Variants in PCDHA4 observed in about 807,000 individuals in gnomAD.
PCDHA4 encodes protocadherin alpha 4.
A neutral mutation model predicts 61.4 loss-of-function variants in PCDHA4; 49 were observed. The ratio of observed to expected loss-of-function variants is 0.80; its 90% CI spans 0.63 to 1.01. The LOEUF is 1.01. Ranked by LOEUF, PCDHA4 falls within the 50% of genes least tolerant of loss-of-function variation. PCDHA4 has a pLI of 0.00. For synonymous variants in PCDHA4, 590 were observed against 550.3 expected, an observed-to-expected ratio of 1.07 and a Z score of -1.01; for missense variants, 1,254 against 1,235.8, an observed-to-expected ratio of 1.01 and a Z score of -0.22.
At chr5:140,856,980 A>G in intron 1 of PCDHA4, 1 of 1,594,908 alleles carries the variant, frequency 6.3e-7, no homozygotes, top group African/African-American at 1.3e-5. Context: ...GACTTTGAGG[A>G]CAGTAACACT....
At chr5:140,911,257 A>G (rs1423375928) in intron 1 of PCDHA4, among the ~76,000 whole-genome samples, 1 of 152,156 alleles carries the variant, frequency 6.6e-6, no homozygotes, top group African/African-American at 2.4e-5. Context: ...ATCAGAATTT[A>G]TAATCTCAGT....
chr5:140,944,099 C>G (rs1585153302), intron 1 of PCDHA4, among the ~76,000 whole-genome samples: 1 of 152,264 alleles, frequency 6.6e-6, no homozygotes, highest in East Asian at 1.9e-4. Context: ...AAGTTTATAT[C>G]TCATGGGAAA....
chr5:140,868,928 A>C, intron 1 of PCDHA4: 1 of 1,070,100 alleles, frequency 9.3e-7, no homozygotes, highest in Non-Finnish European at 1.3e-6. Flanking sequence ...AGTTCATTTA[A>C]AGGTTGGTCT....
intron 1 of PCDHA4, among the ~76,000 whole-genome samples, chr5:140,977,515 C>T (rs2096764078): frequency 6.6e-6 from 1 of 152,158 alleles, no homozygotes; most frequent in African/African-American, 2.4e-5. Context: ...ATTTTGTGAA[C>T]TTGAAAACAA....
chr5:140,809,111 G>A lies in PCDHA4; in HGVS notation c.1924G>A (p.Ala642Thr). The A allele has an allele frequency of 6.2e-7, 1 of 1,613,938 alleles. No homozygotes were observed. The highest frequency in any genetic ancestry group is 1.3e-5 in the African/African-American group (1 of 75,054). Residue 642 changes from alanine (A) to threonine (T), a missense_variant, in exon 1 of 4, where the codon GCT (alanine) becomes ACT (threonine). Ala to Thr is a moderately conservative substitution (Grantham distance 58, BLOSUM62 0). Coordinates refer to ENST00000530339, the MANE Select transcript of PCDHA4 (RefSeq NM_018907.4). ...AACGCGTGCCCTGGACGAAACGGACGCTCCGCGCCACCGCCTACTGGTACT... is the reference window on the plus strand; with the variant it reads ...AACGCGTGCCCTGGACGAAACGGACACTCCGCGCCACCGCCTACTGGTACT... ...STTRALDETD[A>T]PRHRLLVLVK...
intron 1 of PCDHA4, among the ~76,000 whole-genome samples, chr5:140,907,247 T>C (rs1328809549): frequency 1.3e-5 from 2 of 152,216 alleles, no homozygotes; most frequent in Non-Finnish European, 2.9e-5. Context: ...GACATTGTAA[T>C]TGTGACTTCA....
At chr5:140,928,729 G>A (rs2085477021) in intron 1 of PCDHA4, 1 of 1,613,996 alleles carries the variant, frequency 6.2e-7, no homozygotes, top group Non-Finnish European at 8.5e-7. Context: ...TAGAATTTCA[G>A]CCAATATAGG....
At chr5:140,989,315 C>T (rs1285439327) in intron 3 of PCDHA4, among the ~76,000 whole-genome samples, 1 of 152,130 alleles carries the variant, frequency 6.6e-6, no homozygotes, top group East Asian at 1.9e-4. Flanking sequence ...AGTAGGGTCT[C>T]ACCAACTTTG....
intron 1 of PCDHA4, chr5:140,866,668 AT>A (rs2049485821): frequency 1.3e-5 from 2 of 152,156 alleles, no homozygotes; most frequent in African/African-American, 2.4e-5. Flanking sequence ...TCAAGAAATA[AT>A]AGCACTAGGT....
At chr5:140,905,802 C>T (rs1043410620) in intron 1 of PCDHA4, among the ~76,000 whole-genome samples, 11 of 152,152 alleles carry the variant, frequency 7.2e-5, no homozygotes, top group African/African-American at 2.7e-4. Flanking sequence ...TCTAGAGGGA[C>T]AGAATTAATA....
chr5:140,807,838 A>G lies in PCDHA4; in HGVS notation c.651A>G (p.Gly217=). The G allele has an allele frequency of 1.2e-6, 2 of 1,614,184 alleles. No individual in the cohort carries two copies. Among genetic ancestry groups the G allele is most frequent in the East Asian group, 4.5e-5 (2 of 44,884 alleles). Residue 217 remains glycine, a synonymous_variant, in exon 1 of 4, where the codon GGA becomes GGG. Transcript: ENST00000530339. ...TTTTAGTGCTCACAGCCACTGATGG[A>G]GGCAAACCCGAGTTGACTGGCACCG... is the stretch of plus-strand genomic sequence containing the variant. ...EIFLVLTATD[G]GKPELTGTVQ...
intron 1 of PCDHA4, chr5:140,968,792 A>G (rs200477554): frequency 2.5e-6 from 4 of 1,614,186 alleles, no homozygotes; most frequent in Admixed American, 3.3e-5. Flanking sequence ...CTCTGTGGCC[A>G]TTACAGTAGC....
At chr5:140,950,429 T>G (rs1339598073) in intron 1 of PCDHA4, among the ~76,000 whole-genome samples, 1 of 151,896 alleles carries the variant, frequency 6.6e-6, no homozygotes, top group Admixed American at 6.6e-5. Context: ...TTCTTCCACT[T>G]AAAAAAAATG....
rs376976270 is a variant in PCDHA4 at position 140,809,227 on chromosome 5, A to G, written c.2040A>G (p.Ser680=). 4.6e-5 allele frequency: 74 copies of G among 1,613,866 alleles called. No individual in the cohort carries two copies. Among genetic ancestry groups the G allele is most frequent in the Non-Finnish European group, 5.6e-5 (66 of 1,179,902 alleles). ...GTGGACAGGCGCCAAAGGCCTCCTC[A>G]CGGGCGTTGGTGGGCGCTGTGGGTC... is the stretch of plus-strand genomic sequence containing the variant. ...VESGQAPKAS[S]RALVGAVGPD... Residue 680 remains serine (S), a synonymous_variant, in exon 1 of 4, where the codon TCA becomes TCG. Transcript: ENST00000530339.
intron 1 of PCDHA4, among the ~76,000 whole-genome samples, chr5:140,956,122 A>T (rs1371284760): frequency 6.6e-6 from 1 of 152,116 alleles, no homozygotes; most frequent in Non-Finnish European, 1.5e-5. Context: ...CTCTCTTCCT[A>T]TTTGAATACC....
At chr5:140,922,865 G>A (rs1554201014) in intron 1 of PCDHA4, among the ~76,000 whole-genome samples, 1 of 152,062 alleles carries the variant, frequency 6.6e-6, no homozygotes, top group Non-Finnish European at 1.5e-5. Flanking sequence ...ATAGACAAGG[G>A]GAAAAAATCC....
At chr5:140,843,774 A>T in intron 1 of PCDHA4, 1 of 1,457,980 alleles carries the variant, frequency 6.9e-7, no homozygotes. Context: ...TAGTTACTTT[A>T]AAAGTGTTTC....
rs1774863213 is a variant in PCDHA4 at position 140,837,000 on chromosome 5, G to A, written c.2385+27428G>A. The A allele has an allele frequency of 1.8e-5, 6 of 331,444 alleles. No individual in the cohort carries two copies. The East Asian group carries it at 3.3e-4, about 18-fold the overall frequency. 20.5% of individuals were successfully genotyped at this position (331,444 alleles called of 1,614,324 possible). A position where few individuals can be genotyped will look rare whatever the true frequency, so the allele number is the denominator to read the frequency against. On this transcript the variant is annotated intron_variant, in intron 1 of 3. Coordinates refer to ENST00000530339, the MANE Select transcript of PCDHA4 (RefSeq NM_018907.4). ...TTGGAGGAGGACTTTGCTAACTGGAGCAATGGATTCACCTTTCTTCTATAG... is the reference window on the plus strand; with the variant it reads ...TTGGAGGAGGACTTTGCTAACTGGAACAATGGATTCACCTTTCTTCTATAG...
intron 1 of PCDHA4, among the ~76,000 whole-genome samples, chr5:140,956,211 TCCTTG>T (rs2095268091): frequency 6.6e-6 from 1 of 152,198 alleles, no homozygotes; most frequent in Non-Finnish European, 1.5e-5. Flanking sequence ...AAAGAGGGCA[TCCTTG>T]TCTTGTGCTG....
Sources: allele counts gnomAD v4.1 joint callset (sites outside exome capture counted in the v4.1 genomes callset), GRCh38; gene constraint gnomAD v4.1.1; transcripts MANE v1.5; gene names NCBI Gene and HGNC (gene_info 2026-07-23, HGNC 2026-07-21).